CRPPA: variants seen among roughly 807,000 people sequenced by gnomAD.
The protein encoded by CRPPA is CDP-L-ribitol pyrophosphorylase A.
A neutral mutation model predicts 52.0 loss-of-function variants in CRPPA; 43 were observed. The ratio of observed to expected loss-of-function variants is 0.83; its 90% CI spans 0.65 to 1.07. The LOEUF (loss-of-function observed/expected upper bound fraction) is 1.07, where lower values mean the gene tolerates loss of function less well. Among genes scored for constraint, CRPPA ranks in the 50% least tolerant of loss-of-function variants. The probability of loss-of-function intolerance (pLI) is 0.00; values close to 1 mark genes in which losing one functional copy is unlikely to be tolerated. For missense variants in CRPPA, 629 were observed against 551.7 expected (o/e 1.14, Z -1.40); for synonymous variants, 250 against 203.5 (o/e 1.23, Z -1.94).
At chr7:16,164,498 C>T (rs900468721) in intron 9 of CRPPA, among the ~76,000 whole-genome samples, 1 of 152,158 alleles carries the variant, frequency 6.6e-6, no homozygotes, top group African/African-American at 2.4e-5. Flanking sequence ...CCTTCTGAAG[C>T]CTACTTCTGT....
At chr7:16,216,872 C>A (rs1263991905) in intron 8 of CRPPA, among the ~76,000 whole-genome samples, 9 of 152,122 alleles carry the variant, frequency 5.9e-5, no homozygotes, top group Non-Finnish European at 7.4e-5. Flanking sequence ...GGAGGGGCGC[C>A]CGCCATTGCC....
At chr7:16,265,701 T>A (rs1783934930) in intron 6 of CRPPA, among the ~76,000 whole-genome samples, 1 of 152,204 alleles carries the variant, frequency 6.6e-6, no homozygotes, top group Admixed American at 6.5e-5. Context: ...CTTTAAAACA[T>A]ATCTCCATTA....
At chr7:16,177,427 T>C (rs10266957) in intron 9 of CRPPA, among the ~76,000 whole-genome samples, 5,404 of 152,212 alleles carry the variant, frequency 0.036, 313 homozygotes, top group African/African-American at 0.12. Context: ...GAATCGTAAT[T>C]TTGTGAAACA....
At chr7:16,412,372 G>A (rs558377354) in intron 1 of CRPPA, among the ~76,000 whole-genome samples, 33 of 152,282 alleles carry the variant, frequency 2.2e-4, no homozygotes, top group Non-Finnish European at 4.1e-4. Context: ...TCAAATGTGC[G>A]TGAGTATATA....
chr7:16,316,419 T>C (rs962187750), intron 3 of CRPPA, among the ~76,000 whole-genome samples: 4 of 152,208 alleles, frequency 2.6e-5, no homozygotes, highest in African/African-American at 7.2e-5. Flanking sequence ...TTAAATTATA[T>C]GTCTTATGTA....
intron 9 of CRPPA, among the ~76,000 whole-genome samples, chr7:16,108,088 A>C (rs912770013): frequency 1.3e-5 from 2 of 152,060 alleles, no homozygotes; most frequent in African/African-American, 4.8e-5. Flanking sequence ...CAGTATCTAC[A>C]AAATAACAGA....
At chr7:16,332,373 T>C (rs1342946915) in intron 3 of CRPPA, among the ~76,000 whole-genome samples, 1 of 152,104 alleles carries the variant, frequency 6.6e-6, no homozygotes, top group Non-Finnish European at 1.5e-5. Flanking sequence ...AGAAAAAAGG[T>C]AAAAACTCAT....
intron 5 of CRPPA, among the ~76,000 whole-genome samples, chr7:16,286,064 T>TAATATTTAAA (rs1562608511): frequency 6.7e-5 from 2 of 29,770 alleles, no homozygotes; most frequent in Admixed American, 4.5e-4. Flanking sequence ...TATATATATA[T>TAATATTTAAA]ATATATATAT....
chr7:16,213,364 T>A lies in CRPPA; in HGVS notation c.1251+2702A>T, dbSNP rs188509587. Among the ~76,000 whole-genome samples, 754 of 152,308 alleles carry A rather than the reference T, an allele frequency of 5.0e-3. 9 individuals carry two copies. The highest frequency in any genetic ancestry group is 0.018 in the African/African-American group (733 of 41,554). On this transcript the variant is annotated intron_variant, in intron 9 of 9. Coordinates refer to ENST00000407010, the MANE Select transcript of CRPPA (RefSeq NM_001101426.4). The stretch of plus-strand genomic sequence containing the variant: ...GGGACTTAGTCTAATTTAATTTTGT[T>A]ACCAAAAAATTTCATTTTATTGTTC...
chr7:16,098,010 C>G (rs1356393512), intron 9 of CRPPA, among the ~76,000 whole-genome samples: 1 of 152,154 alleles, frequency 6.6e-6, no homozygotes, highest in Non-Finnish European at 1.5e-5. Context: ...TCCCAGAGTA[C>G]TTAATATTGA....
At chr7:16,337,975 G>A (rs969718635) in intron 3 of CRPPA, among the ~76,000 whole-genome samples, 5 of 151,960 alleles carry the variant, frequency 3.3e-5, no homozygotes, top group Non-Finnish European at 7.4e-5. Context: ...AAACAGAGGG[G>A]ATATTTTCAA....
intron 3 of CRPPA, among the ~76,000 whole-genome samples, chr7:16,317,704 T>C (rs1348221816): frequency 2.0e-5 from 3 of 152,224 alleles, no homozygotes; most frequent in Admixed American, 1.3e-4. Flanking sequence ...AATGCATCAA[T>C]GATGTTTCAA....
intron 9 of CRPPA, among the ~76,000 whole-genome samples, chr7:16,166,877 C>T (rs751815543): frequency 1.4e-4 from 21 of 152,010 alleles, no homozygotes; most frequent in Admixed American, 3.3e-4. Context: ...CAATACCATC[C>T]TAAGCTTGTG....
At chr7:16,125,743 A>G (rs899673916) in intron 9 of CRPPA, among the ~76,000 whole-genome samples, 1 of 152,132 alleles carries the variant, frequency 6.6e-6, no homozygotes, top group Non-Finnish European at 1.5e-5. Context: ...AAAGGCCAGT[A>G]TTTTATTGTT....
intron 9 of CRPPA, among the ~76,000 whole-genome samples, chr7:16,101,093 G>A (rs1181858181): frequency 6.6e-6 from 1 of 152,142 alleles, no homozygotes; most frequent in Non-Finnish European, 1.5e-5. Flanking sequence ...TGTTCATCAG[G>A]GATATTGGCC....
At chr7:16,227,118 C>CA (rs1782672891) in intron 8 of CRPPA, among the ~76,000 whole-genome samples, 1 of 151,882 alleles carries the variant, frequency 6.6e-6, no homozygotes, top group Non-Finnish European at 1.5e-5. Flanking sequence ...GTTTGTATCA[C>CA]ATTTTCTTTA....
At chr7:16,212,969 T>C (rs1322559386) in intron 9 of CRPPA, among the ~76,000 whole-genome samples, 1 of 152,254 alleles carries the variant, frequency 6.6e-6, no homozygotes, top group Non-Finnish European at 1.5e-5. Context: ...AAGATAAAAC[T>C]GCTTACAGCA....
At chr7:16,297,775 G>C (rs1175203379) in intron 5 of CRPPA, among the ~76,000 whole-genome samples, 1 of 152,148 alleles carries the variant, frequency 6.6e-6, no homozygotes, top group African/African-American at 2.4e-5. Context: ...TCACCTTGTG[G>C]TAGGATACAA....
At chr7:16,119,185 T>G (rs558396057) in intron 9 of CRPPA, among the ~76,000 whole-genome samples, 14 of 152,174 alleles carry the variant, frequency 9.2e-5, no homozygotes, top group Non-Finnish European at 1.5e-4. Flanking sequence ...CTCAAAACAA[T>G]TTCTAATTAC....
Sources: gnomAD v4.1 joint callset for allele counts (sites outside exome capture counted in the v4.1 genomes callset) on GRCh38, gnomAD v4.1.1 for gene constraint, MANE v1.5 for transcripts, NCBI Gene and HGNC (gene_info 2026-07-23, HGNC 2026-07-21) for gene names.